Variants in ARHGAP22 observed in about 807,000 individuals in gnomAD.
ARHGAP22 encodes rho GTPase-activating protein 22.
A neutral mutation model predicts 59.1 loss-of-function variants in ARHGAP22; 48 were observed. The ratio of observed to expected loss-of-function variants is 0.81; its 90% CI spans 0.64 to 1.03. ARHGAP22 has a LOEUF of 1.03. Ranked by LOEUF, ARHGAP22 falls within the 50% of genes least tolerant of loss-of-function variation. The pLI, the probability that ARHGAP22 is intolerant of heterozygous loss-of-function variation, is 0.00. For missense variants in ARHGAP22, 1,015 were observed against 958.7 expected (o/e 1.06, Z -0.78); for synonymous variants, 445 against 416.4 (o/e 1.07, Z -0.84).
chr10:48,622,773 T>G (rs59719366), intron 1 of ARHGAP22, among the ~76,000 whole-genome samples: 6 of 152,098 alleles, frequency 3.9e-5, no homozygotes, highest in Non-Finnish European at 8.8e-5. Context: ...GAATTTAAAG[T>G]GTGTAGCATG....
chr10:48,640,031 T>C (rs74134004), intron 1 of ARHGAP22, among the ~76,000 whole-genome samples: 7,562 of 152,222 alleles, frequency 0.05, 548 homozygotes, highest in African/African-American at 0.17. Context: ...AGAAAATATT[T>C]AAAACCAAAT....
At chr10:48,614,568 T>C (rs1426916080) in intron 1 of ARHGAP22, among the ~76,000 whole-genome samples, 1 of 152,194 alleles carries the variant, frequency 6.6e-6, no homozygotes, top group Non-Finnish European at 1.5e-5. Context: ...ATTTCAAAAT[T>C]CTGTCTCCTG....
At chr10:48,451,251 G>T in intron 8 of ARHGAP22, 111 bp from the exon 9 acceptor site, 1 of 1,428,416 alleles carries the variant, frequency 7.0e-7, no homozygotes, top group Non-Finnish European at 9.6e-7. Flanking sequence ...TGTCCCCAGA[G>T]CCAGGCCGCC....
intron 1 of ARHGAP22, among the ~76,000 whole-genome samples, chr10:48,616,814 C>T (rs955319815): frequency 1.3e-5 from 2 of 152,048 alleles, no homozygotes; most frequent in African/African-American, 4.8e-5. Context: ...GCAGACCTAA[C>T]CTACAAGATC....
chr10:48,583,592 T>G (rs2059248458), intron 1 of ARHGAP22, among the ~76,000 whole-genome samples: 1 of 152,198 alleles, frequency 6.6e-6, no homozygotes, highest in Non-Finnish European at 1.5e-5. Flanking sequence ...CCGTTCTAGT[T>G]TTCCAGGGGA....
At chr10:48,614,530 G>C (rs142109783) in intron 1 of ARHGAP22, among the ~76,000 whole-genome samples, 1 of 152,260 alleles carries the variant, frequency 6.6e-6, no homozygotes, top group Non-Finnish European at 1.5e-5. Context: ...TGAGGAAAAT[G>C]GTGTCAGTTA....
chr10:48,527,478 TGGATGGA>T (rs2054436465), intron 3 of ARHGAP22, among the ~76,000 whole-genome samples: 2 of 106,582 alleles, frequency 1.9e-5, no homozygotes, highest in Non-Finnish European at 4.8e-5. Context: ...GATGGATGGG[TGGATGGA>T]TGGTTGGTTG....
chr10:48,645,953 C>T (rs2062277446), intron 1 of ARHGAP22, among the ~76,000 whole-genome samples: 1 of 152,114 alleles, frequency 6.6e-6, no homozygotes, highest in African/African-American at 2.4e-5. Context: ...GGAAAATTAT[C>T]ACAAGAACTA....
intron 3 of ARHGAP22, among the ~76,000 whole-genome samples, chr10:48,548,629 C>T (rs2077152): frequency 0.13 from 20,200 of 152,282 alleles, 1,718 homozygotes; most frequent in Non-Finnish European, 0.19. Context: ...ACTCCCCACC[C>T]GCTCCTTGTG....
chr10:48,485,697 G>C (rs2049784314), intron 3 of ARHGAP22, among the ~76,000 whole-genome samples: 1 of 152,074 alleles, frequency 6.6e-6, no homozygotes, highest in African/African-American at 2.4e-5. Context: ...TAAATATTTA[G>C]GACTGTTATG....
At position 48,518,609 on chromosome 10, in the gene ARHGAP22, G is replaced by A. The variant is rs190680430; in HGVS notation, c.322+36854C>T. On this transcript the variant is annotated intron_variant, in intron 3 of 9. Transcript: ENST00000249601. ...GAGGATGGGGATGTGGGGAGCTGGA[G>A]ACCACATGGCCAGCAGCGTATGGCA... Among the ~76,000 whole-genome samples, 11 of 152,214 alleles carry A rather than the reference G, an allele frequency of 7.2e-5. No individual in the cohort carries two copies. In the East Asian group the frequency reaches 2.1e-3, roughly 29 times the overall value.
At chr10:48,652,227 T>A (rs1174395843) in intron 1 of ARHGAP22, 1 of 1,534,936 alleles carries the variant, frequency 6.5e-7, no homozygotes, top group Admixed American at 2.0e-5. Context: ...CATAAAAAAA[T>A]TCTTACTGAA....
intron 2 of ARHGAP22, among the ~76,000 whole-genome samples, chr10:48,556,937 C>G (rs778804408): frequency 2.0e-5 from 3 of 152,134 alleles, no homozygotes; most frequent in South Asian, 2.1e-4. Context: ...CTGGCTTTCA[C>G]AGGGTGATGG....
chr10:48,470,506 G>C (rs544642340), intron 4 of ARHGAP22, among the ~76,000 whole-genome samples: 1 of 152,306 alleles, frequency 6.6e-6, no homozygotes, highest in South Asian at 2.1e-4. Context: ...AGCGCTGCAG[G>C]GGAAGGAGGC....
chr10:48,612,278 G>T (rs568963253), intron 1 of ARHGAP22, among the ~76,000 whole-genome samples: 106 of 152,256 alleles, frequency 7.0e-4, no homozygotes, highest in African/African-American at 2.5e-3. Flanking sequence ...AATGGAATTT[G>T]TTTTTTGGCT....
intron 8 of ARHGAP22, chr10:48,451,395 C>T (rs1463881131): frequency 4.2e-6 from 3 of 707,642 alleles, no homozygotes; most frequent in African/African-American, 3.5e-5. Flanking sequence ...ACTGTGCCTG[C>T]GCTCACGCCC....
intron 2 of ARHGAP22, among the ~76,000 whole-genome samples, chr10:48,560,106 C>G (rs1009597172): frequency 1.3e-5 from 2 of 152,144 alleles, no homozygotes; most frequent in African/African-American, 2.4e-5. Flanking sequence ...GTTTGCTAAC[C>G]ATCTGATCTT....
intron 4 of ARHGAP22, among the ~76,000 whole-genome samples, chr10:48,469,908 C>T (rs1423493361): frequency 1.3e-5 from 2 of 152,236 alleles, no homozygotes; most frequent in Admixed American, 6.5e-5. Flanking sequence ...GCTCTGCACT[C>T]CAGCCGACTA....
chr10:48,507,139 G>T (rs180871987), intron 3 of ARHGAP22, among the ~76,000 whole-genome samples: 112 of 152,314 alleles, frequency 7.4e-4, no homozygotes, highest in African/African-American at 2.4e-3. Flanking sequence ...CAGAAAAGCT[G>T]CCAGACCCAG....
Sources: allele counts gnomAD v4.1 joint callset (sites outside exome capture counted in the v4.1 genomes callset), GRCh38; gene constraint gnomAD v4.1.1; transcripts MANE v1.5; gene names NCBI Gene and HGNC (gene_info 2026-07-23, HGNC 2026-07-21).